The following LMNTD1 variants were observed in gnomAD, a reference collection of about 807,000 sequenced individuals.
LMNTD1 encodes the protein lamin tail domain-containing protein 1.
LMNTD1 carries 35 observed loss-of-function variants against 50.9 expected under a neutral mutation model. That is an observed-to-expected ratio of 0.69 (90% CI 0.53 to 0.91). The LOEUF is 0.91. LMNTD1 is among the 40% of genes least tolerant of loss of function. The pLI is 0.00. For synonymous variants in LMNTD1, 153 were observed against 161.9 expected (o/e 0.94, Z 0.42); for missense variants, 470 against 475.5 (o/e 0.99, Z 0.11).
Position 25,506,941 on chromosome 12 carries a change from G to A in LMNTD1, c.1190-3141C>T, listed in dbSNP as rs7955719. Among the ~76,000 whole-genome samples the A allele has an allele frequency of 8.9e-3, 1,349 of 151,956 alleles. 20 individuals are homozygous for A. The highest frequency in any genetic ancestry group is 0.031 in the African/African-American group (1,273 of 41,440). On this transcript the variant is annotated intron_variant, in intron 8 of 9. Coordinates refer to ENST00000458174, the MANE Select transcript of LMNTD1 (RefSeq NM_001145728.2). ...GTTGCCCAGGCTGGAGTGTAATGAT[G>A]CGATCTTGGCTCACTGCAACCTCCA...
chr12:25,641,058 G>A (rs1232179328), intron 1 of LMNTD1, among the ~76,000 whole-genome samples: 1 of 152,112 alleles, frequency 6.6e-6, no homozygotes, highest in Non-Finnish European at 1.5e-5. Context: ...AAAAGTGCTT[G>A]GTACTAGCAA....
chr12:25,501,458 GTTTC>G (rs1939386559), intron 9 of LMNTD1, among the ~76,000 whole-genome samples: 1 of 152,186 alleles, frequency 6.6e-6, no homozygotes, highest in Non-Finnish European at 1.5e-5. Flanking sequence ...AATGTGTGGT[GTTTC>G]TTTCTTTCAG....
intron 1 of LMNTD1, among the ~76,000 whole-genome samples, chr12:25,616,165 G>A (rs1946350419): frequency 6.6e-6 from 1 of 151,984 alleles, no homozygotes; most frequent in African/African-American, 2.4e-5. Flanking sequence ...AATAAAGCAG[G>A]GTAAGAGAAA....
intron 8 of LMNTD1, among the ~76,000 whole-genome samples, chr12:25,518,059 A>T (rs1705414): frequency 0.74 from 112,306 of 151,734 alleles, 42,504 homozygotes; most frequent in East Asian, 0.88. Context: ...TTTCATTTTT[A>T]AAAAAACAAG....
intron 1 of LMNTD1, among the ~76,000 whole-genome samples, chr12:25,623,018 C>T (rs1463183537): frequency 6.6e-6 from 1 of 151,882 alleles, no homozygotes; most frequent in East Asian, 1.9e-4. Flanking sequence ...GAGATGGGCA[C>T]ACTGAAAAGA....
chr12:25,574,495 TTAAA>T lies in LMNTD1; in HGVS notation c.59-27945_59-27942del, dbSNP rs149269938. Among the ~76,000 whole-genome samples the T allele has an allele frequency of 1.5e-3, 229 of 152,296 alleles. 5 individuals are homozygous for T. The East Asian group carries it at 0.038, about 25-fold the overall frequency. On this transcript the variant is annotated intron_variant, in intron 1 of 7. Transcript: ENST00000445693. ...AAATTAATACCCATGTCATGAAGGATTAAATAAATAATGTGAGTAAGGCACTTGA... is the reference window on the plus strand; with the variant it reads ...AAATTAATACCCATGTCATGAAGGATTAAATAATGTGAGTAAGGCACTTGA...
At chr12:25,476,557 T>C (rs144390120) in intron 9 of LMNTD1, 97 bp from the exon 10 acceptor site, 32 of 152,342 alleles carry the variant, frequency 2.1e-4, no homozygotes, top group African/African-American at 7.0e-4. Flanking sequence ...ATTTAATCCA[T>C]ACCATAGTTC....
chr12:25,534,249 T>A (rs899377067), intron 4 of LMNTD1, among the ~76,000 whole-genome samples: 1 of 152,106 alleles, frequency 6.6e-6, no homozygotes, highest in Non-Finnish European at 1.5e-5. Context: ...AAATTGAGAA[T>A]CAGCTTCTGT....
chr12:25,601,546 A>T (rs1190229162), intron 1 of LMNTD1, among the ~76,000 whole-genome samples: 5 of 152,102 alleles, frequency 3.3e-5, no homozygotes, highest in African/African-American at 1.2e-4. Flanking sequence ...GAAGCATTGC[A>T]TGCCTGTATC....
upstream of LMNTD1, among the ~76,000 whole-genome samples, chr12:25,556,882 A>C (rs1405249564): frequency 2.6e-5 from 4 of 152,262 alleles, no homozygotes; most frequent in African/African-American, 9.6e-5. Flanking sequence ...TGTGGAGAAG[A>C]TTTGCACAGC....
chr12:25,484,596 T>G (rs920073246), intron 9 of LMNTD1, among the ~76,000 whole-genome samples: 8 of 150,816 alleles, frequency 5.3e-5, no homozygotes, highest in African/African-American at 2.0e-4. Flanking sequence ...GCTGGTGCGC[T>G]GCACCCACTA....
At position 25,482,494 on chromosome 12, in the gene LMNTD1, T is replaced by C. The variant is rs146069705; in HGVS notation, c.*23-6034A>G. 1.7e-3 allele frequency among the ~76,000 whole-genome samples: 264 copies of C among 152,184 alleles called. 6 individuals are homozygous for C. Among genetic ancestry groups the C allele is most frequent in the African/African-American group, 6.0e-3 (250 of 41,406 alleles). ...TTAATACAGATCTGTTGACCCATTATGCTTTTTGACAATGAATTGGGGATG... is the reference window on the plus strand; with the variant it reads ...TTAATACAGATCTGTTGACCCATTACGCTTTTTGACAATGAATTGGGGATG... On this transcript the variant is annotated intron_variant, in intron 9 of 9. Transcript: ENST00000458174.
chr12:25,506,834 C>T (rs923982255), intron 8 of LMNTD1, among the ~76,000 whole-genome samples: 1 of 151,700 alleles, frequency 6.6e-6, no homozygotes, highest in African/African-American at 2.4e-5. Flanking sequence ...GTATACTTAT[C>T]ACCCAGATTT....
At chr12:25,590,573 C>G (rs1395490804) in intron 1 of LMNTD1, among the ~76,000 whole-genome samples, 3 of 152,202 alleles carry the variant, frequency 2.0e-5, no homozygotes, top group Non-Finnish European at 4.4e-5. Flanking sequence ...AGCGAGGTGT[C>G]TAAGGGGGTG....
chr12:25,606,966 C>A (rs538474424), intron 1 of LMNTD1, among the ~76,000 whole-genome samples: 1 of 152,036 alleles, frequency 6.6e-6, no homozygotes, highest in South Asian at 2.1e-4. Flanking sequence ...TGGTCCTGGA[C>A]TTTTTTTGGT....
chr12:25,500,154 A>G (rs1442772392), intron 9 of LMNTD1, among the ~76,000 whole-genome samples: 1 of 152,236 alleles, frequency 6.6e-6, no homozygotes. Flanking sequence ...ACATATTATC[A>G]GTGCAGAGAT....
intron 1 of LMNTD1, among the ~76,000 whole-genome samples, chr12:25,632,855 C>A (rs1946749875): frequency 1.3e-5 from 2 of 152,228 alleles, no homozygotes; most frequent in East Asian, 1.9e-4. Context: ...CCTAAATATT[C>A]CACTTAAGAG....
chr12:25,539,480 T>C (rs1942884190), intron 4 of LMNTD1, among the ~76,000 whole-genome samples: 1 of 149,486 alleles, frequency 6.7e-6, no homozygotes, highest in Admixed American at 6.7e-5. Context: ...GACTACTGGG[T>C]ACATAACGAA....
At chr12:25,597,692 A>C (rs1220255102) in intron 1 of LMNTD1, among the ~76,000 whole-genome samples, 1 of 152,168 alleles carries the variant, frequency 6.6e-6, no homozygotes, top group Non-Finnish European at 1.5e-5. Flanking sequence ...GCTGCAGAAT[A>C]CACATTATTT....
Sources: gnomAD v4.1 joint callset for allele counts (sites outside exome capture counted in the v4.1 genomes callset) on GRCh38, gnomAD v4.1.1 for gene constraint, MANE v1.5 for transcripts, NCBI Gene and HGNC (gene_info 2026-07-23, HGNC 2026-07-21) for gene names.